Variants in ZBTB45 observed in about 807,000 individuals in gnomAD.
The protein encoded by ZBTB45 is zinc finger and BTB domain-containing protein 45.
Under a neutral mutation model 28.4 loss-of-function variants are expected in ZBTB45, and 22 were observed. The observed-to-expected ratio is 0.77, with a 90% confidence interval of 0.55 to 1.10. The LOEUF is 1.10. ZBTB45 is among the 50% of genes least tolerant of loss of function. The probability of loss-of-function intolerance (pLI) is 0.00; values close to 1 mark genes in which losing one functional copy is unlikely to be tolerated. For synonymous variants in ZBTB45, 361 were observed against 332.3 expected (o/e 1.09, Z -0.94); for missense variants, 656 against 750.2 (o/e 0.87, Z 1.47).
chr19:58,516,653 G>T lies in ZBTB45; in HGVS notation c.1021C>A (p.Pro341Thr), dbSNP rs1209316470. Residue 341 changes from proline (P) to threonine (T), a missense_variant, in exon 2 of 3, where the codon CCA (proline) becomes ACA (threonine). Pro to Thr is a conservative substitution (Grantham distance 38). This residue lies in a region of ZBTB45 where 448 missense variants were observed against 444.3 expected (regional missense o/e 1.01). Coordinates refer to ENST00000594051, the MANE Select transcript of ZBTB45 (RefSeq NM_001316979.2). This position sits in a 1 kb window ranked among gnomAD's most constrained non-coding sequence, Gnocchi z 6.2. ...LFPFHLGAPG[P>T]PAPPPSAPSG... ...GGTGCTGAAGGGGGTGGTGCGGGTG[G>T]CCCAGGGGCACCCAAGTGAAAGGGG... The T allele has an allele frequency of 1.3e-6, 2 of 1,563,138 alleles. No individual in the cohort carries two copies. The highest frequency in any genetic ancestry group is 1.7e-6 in the Non-Finnish European group (2 of 1,153,890).
chr19:58,513,979 G>A lies in ZBTB45; in HGVS notation c.*75C>T. 8.9e-6 allele frequency: 12 copies of A among 1,343,434 alleles called. No individual in the cohort carries two copies. Among genetic ancestry groups the A allele is most frequent in the Non-Finnish European group, 1.1e-5 (12 of 1,052,078 alleles). The allele number at this position is 1,343,434 out of a possible 1,614,324, so 83.2% of individuals were successfully genotyped here. ...AGCGTGGTCTAGTGGCGGGAACCAC[G>A]GGTCCCGCAGCGGGCGTGGCCGACT... is the stretch of plus-strand genomic sequence containing the variant. On this transcript the variant is annotated 3_prime_UTR_variant, in exon 3 of 3. Coordinates refer to ENST00000594051, the MANE Select transcript of ZBTB45 (RefSeq NM_001316979.2).
chr19:58,526,782 C>T (rs1361668808), intron 1 of ZBTB45, among the ~76,000 whole-genome samples: 2 of 151,358 alleles, frequency 1.3e-5, no homozygotes, highest in African/African-American at 4.9e-5. Context: ...CCGCCCGCCT[C>T]GGCCTCCCAA....
At chr19:58,529,430 G>T (rs1815207466) in intron 1 of ZBTB45, among the ~76,000 whole-genome samples, 1 of 152,160 alleles carries the variant, frequency 6.6e-6, no homozygotes, top group South Asian at 2.1e-4. Context: ...TAAATACACA[G>T]ATAACCGTTT....
At chr19:58,534,657 C>T (rs1025058984) in intron 1 of ZBTB45, among the ~76,000 whole-genome samples, 19 of 150,106 alleles carry the variant, frequency 1.3e-4, no homozygotes, top group Middle Eastern at 3.5e-3. Context: ...CCCAGGTTCA[C>T]GCCATTCTCC....
At chr19:58,526,199 C>G (rs1234242116) in intron 1 of ZBTB45, among the ~76,000 whole-genome samples, 3 of 152,100 alleles carry the variant, frequency 2.0e-5, no homozygotes, top group African/African-American at 7.2e-5. Flanking sequence ...AGCCATGGTG[C>G]CTGGACTTTA....
intron 1 of ZBTB45, among the ~76,000 whole-genome samples, chr19:58,538,297 C>T (rs543211413): frequency 6.6e-6 from 1 of 152,150 alleles, no homozygotes; most frequent in African/African-American, 2.4e-5. Context: ...CTCACTGCAG[C>T]CAACTCCTGG....
upstream of ZBTB45, among the ~76,000 whole-genome samples, chr19:58,522,153 T>G (rs1241747841): frequency 6.8e-6 from 1 of 146,146 alleles, no homozygotes; most frequent in Non-Finnish European, 1.5e-5. Flanking sequence ...TGAAACCCCG[T>G]CTCTACTTTT....
At chr19:58,528,020 G>A (rs1005054277) in intron 1 of ZBTB45, among the ~76,000 whole-genome samples, 65 of 152,182 alleles carry the variant, frequency 4.3e-4, no homozygotes, top group African/African-American at 1.5e-3. Context: ...AGAATCCCTT[G>A]TGAAAGATTC....
intron 1 of ZBTB45, among the ~76,000 whole-genome samples, chr19:58,535,682 A>C (rs1387703757): frequency 6.6e-6 from 1 of 152,212 alleles, no homozygotes; most frequent in Non-Finnish European, 1.5e-5. Context: ...ATTGTAACTC[A>C]ATTACCAAAA....
chr19:58,532,705 C>T (rs1028514217), intron 1 of ZBTB45, among the ~76,000 whole-genome samples: 5 of 152,008 alleles, frequency 3.3e-5, no homozygotes, highest in Admixed American at 3.3e-4. Flanking sequence ...TGCCACCATG[C>T]CCAGCTCATT....
chr19:58,522,875 A>AG (rs1053450105), upstream of ZBTB45, among the ~76,000 whole-genome samples: 5 of 152,010 alleles, frequency 3.3e-5, no homozygotes, highest in Non-Finnish European at 5.9e-5. Context: ...CAGTGTGTTG[A>AG]GGGGGGGAAG....
chr19:58,522,907 A>T (rs949236691), upstream of ZBTB45, among the ~76,000 whole-genome samples: 1 of 152,112 alleles, frequency 6.6e-6, no homozygotes, highest in Non-Finnish European at 1.5e-5. Context: ...TAGCCCCATT[A>T]GCATGTTTAA....
intron 1 of ZBTB45, among the ~76,000 whole-genome samples, chr19:58,533,402 C>T (rs2053644291): frequency 6.6e-6 from 1 of 152,154 alleles, no homozygotes; most frequent in East Asian, 1.9e-4. Flanking sequence ...AGCAACGATG[C>T]ATAGAAGACA....
Position 58,516,361 on chromosome 19 carries a change from A to T in ZBTB45, c.1279+34T>A. On this transcript the variant is annotated intron_variant, in intron 2 of 2. Transcript: ENST00000594051. This position sits in a 1 kb window ranked among gnomAD's most constrained non-coding sequence, Gnocchi z 6.2. The stretch of plus-strand genomic sequence containing the variant: ...CCCTCAGGTTTAACTCTCCGATGAG[A>T]GATTGCTCCCTCTCCTCCCCCGCCC... 1 of 1,612,900 alleles carries T rather than the reference A, an allele frequency of 6.2e-7. No individual in the cohort carries two copies. Among genetic ancestry groups the T allele is most frequent in the Non-Finnish European group, 8.5e-7 (1 of 1,179,200 alleles).
chr19:58,521,158 A>C (rs1481036235), upstream of ZBTB45, among the ~76,000 whole-genome samples: 1 of 148,204 alleles, frequency 6.7e-6, no homozygotes, highest in Non-Finnish European at 1.5e-5. Context: ...AGGTCAGGAG[A>C]TCGAGACCAT....
upstream of ZBTB45, among the ~76,000 whole-genome samples, chr19:58,522,877 G>T (rs367812748): frequency 5.9e-5 from 9 of 152,246 alleles, no homozygotes; most frequent in East Asian, 3.9e-4. Flanking sequence ...GTGTGTTGAG[G>T]GGGGGAAGCC....
intron 1 of ZBTB45, among the ~76,000 whole-genome samples, chr19:58,531,362 A>G (rs1026712129): frequency 1.1e-4 from 17 of 152,168 alleles, no homozygotes; most frequent in Non-Finnish European, 2.2e-4. Context: ...ATAGGGTGGG[A>G]TCGTGTCATC....
intron 1 of ZBTB45, among the ~76,000 whole-genome samples, chr19:58,531,589 G>A (rs1256325175): frequency 6.6e-6 from 1 of 152,188 alleles, no homozygotes; most frequent in African/African-American, 2.4e-5. Context: ...AGCAAGAACT[G>A]GGGCCATGTG....
chr19:58,523,298 C>T (rs1438157469), upstream of ZBTB45, among the ~76,000 whole-genome samples: 6 of 151,962 alleles, frequency 3.9e-5, no homozygotes, highest in Non-Finnish European at 8.8e-5. Flanking sequence ...ATAATTTCAG[C>T]ACCTTGGGAG....
Sources: gnomAD v4.1 joint callset for allele counts (sites outside exome capture counted in the v4.1 genomes callset) on GRCh38, gnomAD v4.1.1 for gene constraint, gnomAD v4.1.1 regional missense constraint, Gnocchi (gnomAD v3.1) non-coding constraint, MANE v1.5 for transcripts, NCBI Gene and HGNC (gene_info 2026-07-23, HGNC 2026-07-21) for gene names.